Variants in FMN1 observed in about 807,000 individuals in gnomAD.
FMN1 encodes the protein formin 1.
FMN1 carries 110 observed loss-of-function variants against 132.4 expected under a neutral mutation model. The observed-to-expected ratio is 0.83, with a 90% CI of 0.71 to 0.97. The LOEUF (loss-of-function observed/expected upper bound fraction) is 0.97, where lower values mean the gene tolerates loss of function less well. Ranked by LOEUF, FMN1 falls within the 50% of genes least tolerant of loss-of-function variation. The pLI, the probability that FMN1 is intolerant of heterozygous loss-of-function variation, is 0.00. For synonymous variants in FMN1, 722 were observed against 651.7 expected (o/e 1.11, Z -1.64); for missense variants, 1,792 against 1,705.3 (o/e 1.05, Z -0.90).
chr15:32,779,634 A>C (rs1489294175), intron 19 of FMN1, among the ~76,000 whole-genome samples: 1 of 152,204 alleles, frequency 6.6e-6, no homozygotes, highest in African/African-American at 2.4e-5. Context: ...CAGACAACCT[A>C]ATGAATAGGT....
chr15:32,847,349 G>T (rs2058882185), intron 17 of FMN1, among the ~76,000 whole-genome samples: 1 of 152,076 alleles, frequency 6.6e-6, no homozygotes, highest in Admixed American at 6.6e-5. Flanking sequence ...AAGAGTTAAT[G>T]ATACTTATCT....
chr15:32,798,719 G>A (rs528293006), intron 19 of FMN1, 85 bp downstream of exon 19: 13 of 1,209,276 alleles, frequency 1.1e-5, no homozygotes, highest in South Asian at 1.6e-5. Flanking sequence ...ATCGACAGGT[G>A]TGAAATAGAC....
chr15:33,104,336 G>T (rs908845721), intron 4 of FMN1, among the ~76,000 whole-genome samples: 1 of 152,074 alleles, frequency 6.6e-6, no homozygotes, highest in Non-Finnish European at 1.5e-5. Flanking sequence ...ATATGTAAGT[G>T]GACTTTCTTG....
intron 5 of FMN1, among the ~76,000 whole-genome samples, chr15:33,080,683 T>A (rs2038417992): frequency 6.6e-6 from 1 of 151,950 alleles, no homozygotes; most frequent in African/African-American, 2.4e-5. Context: ...GGTTGGGAGT[T>A]CAAGACCAGC....
At chr15:32,968,684 A>G (rs377524855) in intron 8 of FMN1, 30 bp downstream of exon 8, 15 of 1,610,120 alleles carry the variant, frequency 9.3e-6, no homozygotes, top group Non-Finnish European at 3.4e-6. Flanking sequence ...AGGAATTCAC[A>G]TGCTGAGAAT....
chr15:32,899,310 C>T (rs2141585175), intron 14 of FMN1, among the ~76,000 whole-genome samples: 1 of 152,296 alleles, frequency 6.6e-6, no homozygotes, highest in South Asian at 2.1e-4. Context: ...TCCAGGCCAG[C>T]TTAAAAGGAG....
intron 17 of FMN1, among the ~76,000 whole-genome samples, chr15:32,827,142 G>A (rs191839276): frequency 1.1e-4 from 16 of 152,264 alleles, no homozygotes; most frequent in Admixed American, 2.6e-4. Context: ...GTGGCCTCCA[G>A]TCACTCTTTC....
chr15:33,107,280 G>A (rs893782571), intron 4 of FMN1, among the ~76,000 whole-genome samples: 4 of 151,908 alleles, frequency 2.6e-5, no homozygotes, highest in Non-Finnish European at 5.9e-5. Flanking sequence ...CTGGGCAAGT[G>A]GAAAAAATCT....
At chr15:32,830,209 CAGG>C (rs1261026100) in intron 17 of FMN1, among the ~76,000 whole-genome samples, 1 of 151,634 alleles carries the variant, frequency 6.6e-6, no homozygotes, top group African/African-American at 2.4e-5. Context: ...TAACAAATGA[CAGG>C]AGATTAAAAT....
intron 4 of FMN1, among the ~76,000 whole-genome samples, chr15:33,138,309 G>A (rs1470834505): frequency 6.6e-6 from 1 of 152,074 alleles, no homozygotes; most frequent in Admixed American, 6.5e-5. Flanking sequence ...ATGTATCACC[G>A]ACTCTTGGCT....
intron 6 of FMN1, among the ~76,000 whole-genome samples, chr15:33,048,386 AT>A (rs1176369048): frequency 6.6e-6 from 1 of 152,090 alleles, no homozygotes; most frequent in African/African-American, 2.4e-5. Context: ...ATAACTGGTT[AT>A]TTAATAAGAC....
chr15:33,105,796 T>C (rs2039462155), intron 4 of FMN1: 1 of 145,844 alleles, frequency 6.9e-6, no homozygotes, highest in African/African-American at 2.5e-5. Context: ...TTATAAAATG[T>C]TGTAATAGGA....
At chr15:32,903,951 A>G (rs1012737892) in intron 12 of FMN1, among the ~76,000 whole-genome samples, 1 of 152,226 alleles carries the variant, frequency 6.6e-6, no homozygotes, top group African/African-American at 2.4e-5. Flanking sequence ...AGAAAAGATC[A>G]TAATTTTACA....
rs140930397 is a variant in FMN1, at chr15:32,997,087, T to G, written c.2223+10927A>C. Among the ~76,000 whole-genome samples, 889 of 152,256 alleles carry G rather than the reference T, an allele frequency of 5.8e-3. 6 individuals carry two copies. Among genetic ancestry groups the G allele is most frequent in the African/African-American group, 0.02 (840 of 41,544 alleles). ...ACTTCTATGAGATTCAGGTTTCAAA[T>G]CTCTAAGATAAATACAGGCAAACAT... is the stretch of plus-strand genomic sequence containing the variant. On this transcript the variant is annotated intron_variant, in intron 7 of 20. Coordinates refer to ENST00000616417, the MANE Select transcript of FMN1 (RefSeq NM_001277313.2).
intron 18 of FMN1, among the ~76,000 whole-genome samples, chr15:32,800,475 A>G (rs1052406073): frequency 6.6e-6 from 1 of 152,258 alleles, no homozygotes; most frequent in Non-Finnish European, 1.5e-5. Flanking sequence ...TGGTAAAACC[A>G]AATGTACACT....
intron 17 of FMN1, among the ~76,000 whole-genome samples, chr15:32,840,959 T>A (rs935777784): frequency 6.6e-6 from 1 of 152,192 alleles, no homozygotes; most frequent in African/African-American, 2.4e-5. Flanking sequence ...GTACAAGAGT[T>A]TGTATTACAC....
intron 6 of FMN1, among the ~76,000 whole-genome samples, chr15:33,017,963 G>A (rs1004467555): frequency 1.3e-5 from 2 of 152,102 alleles, no homozygotes; most frequent in Non-Finnish European, 1.5e-5. Context: ...TACTCGGGGG[G>A]CAGAGGTAGG....
intron 18 of FMN1, 112 bp from the exon 19 acceptor site, chr15:32,799,065 C>T (rs2057389734): frequency 2.5e-6 from 2 of 797,728 alleles, no homozygotes; most frequent in Non-Finnish European, 3.9e-6. Flanking sequence ...TATTTTGTAA[C>T]ACAGAAGCTG....
intron 3 of FMN1, among the ~76,000 whole-genome samples, chr15:33,175,165 A>T (rs1316715690): frequency 1.3e-5 from 2 of 152,120 alleles, no homozygotes; most frequent in East Asian, 3.9e-4. Flanking sequence ...AGCTGGGACT[A>T]CAGGGGCATA....
Sources: allele counts gnomAD v4.1 joint callset (sites outside exome capture counted in the v4.1 genomes callset), GRCh38; gene constraint gnomAD v4.1.1; transcripts MANE v1.5; gene names NCBI Gene and HGNC (gene_info 2026-07-23, HGNC 2026-07-21).